The following ADCY2 variants were observed in gnomAD, a reference collection of about 807,000 sequenced individuals.
ADCY2 encodes the protein adenylate cyclase type 2.
ADCY2 carries 31 observed loss-of-function variants against 125.2 expected under a neutral mutation model. The ratio of observed to expected loss-of-function variants is 0.25; its 90% CI spans 0.19 to 0.33. The LOEUF is 0.33. ADCY2 is among the 10% of genes least tolerant of loss of function. The probability of loss-of-function intolerance (pLI) is 1.00; values close to 1 mark genes in which losing one functional copy is unlikely to be tolerated. For synonymous variants in ADCY2, 512 were observed against 548.4 expected, an observed-to-expected ratio of 0.93 and a Z score of 0.93; for missense variants, 904 against 1,418.2, an observed-to-expected ratio of 0.64 and a Z score of 5.82.
At chr5:7,618,037 T>C (rs893233908) in intron 3 of ADCY2, among the ~76,000 whole-genome samples, 1 of 152,216 alleles carries the variant, frequency 6.6e-6, no homozygotes, top group African/African-American at 2.4e-5. Flanking sequence ...GTAGGCCTTG[T>C]GAATCACAGC....
Position 7,447,859 on chromosome 5 carries a change from G to A in ADCY2, c.408+33089G>A, listed in dbSNP as rs187043540. On this transcript the variant is annotated intron_variant, in intron 2 of 24. Coordinates refer to ENST00000338316, the MANE Select transcript of ADCY2 (RefSeq NM_020546.3). ...CCAGAAGAAAAGTGTCCAAAAGGCC[G>A]GAGCAGAGCCTGGGGAGGGGCTTAC... Among the ~76,000 whole-genome samples the A allele has an allele frequency of 1.6e-4, 25 of 152,284 alleles. No homozygotes were observed. In the South Asian group the frequency reaches 3.7e-3, roughly 23 times the overall value.
intron 2 of ADCY2, among the ~76,000 whole-genome samples, chr5:7,441,512 C>A (rs1579446545): frequency 6.6e-6 from 1 of 151,636 alleles, no homozygotes; most frequent in East Asian, 1.9e-4. Context: ...GCTGGTAAAC[C>A]ACCTGACAGA....
chr5:7,562,050 T>G (rs184284398), intron 3 of ADCY2, among the ~76,000 whole-genome samples: 3 of 152,276 alleles, frequency 2.0e-5, no homozygotes, highest in Admixed American at 6.5e-5. Flanking sequence ...GAGTGTTTTA[T>G]ATAGTTTTGT....
intron 4 of ADCY2, among the ~76,000 whole-genome samples, chr5:7,673,100 G>A (rs1481578871): frequency 6.6e-6 from 1 of 150,746 alleles, no homozygotes; most frequent in Non-Finnish European, 1.5e-5. Context: ...AAGCAAAACC[G>A]AATTTTATAA....
intron 4 of ADCY2, among the ~76,000 whole-genome samples, chr5:7,640,580 G>A (rs573052393): frequency 6.6e-6 from 1 of 152,164 alleles, no homozygotes; most frequent in South Asian, 2.1e-4. Flanking sequence ...AATAAAGTTT[G>A]CTTTTGATAT....
In ADCY2 at chr5:7,709,446, C is replaced by G. The variant is rs1741369627; in HGVS notation, c.1578+59C>G. 6.7e-7 allele frequency: 1 copy of G among 1,483,184 alleles called. No individual in the cohort carries two copies. The highest frequency in any genetic ancestry group is 2.4e-5 in the Admixed American group (1 of 40,920). 91.9% of individuals were successfully genotyped at this position (1,483,184 alleles called of 1,614,324 possible). A position where few individuals can be genotyped will look rare whatever the true frequency, so the allele number is the denominator to read the frequency against. On this transcript the variant is annotated intron_variant, in intron 10 of 24. Transcript: ENST00000338316. The surrounding 1 kb of genome is among the most constrained non-coding windows in gnomAD (Gnocchi z 4.4). ...TGGGGGAAAGCTAACTTCCCAAAAC[C>G]AAAGGCTGGGCATCTCCTGCCAAAA...
At chr5:7,493,667 C>A (rs1226798941) in intron 2 of ADCY2, among the ~76,000 whole-genome samples, 5 of 152,036 alleles carry the variant, frequency 3.3e-5, no homozygotes, top group African/African-American at 1.2e-4. Context: ...TCTTGCTGTC[C>A]TCTGTTTTCT....
intron 22 of ADCY2, among the ~76,000 whole-genome samples, chr5:7,810,916 T>C (rs1422731790): frequency 6.6e-6 from 1 of 152,180 alleles, no homozygotes; most frequent in East Asian, 1.9e-4. Context: ...TTAACAAGTA[T>C]GTAAATAGTT....
intron 19 of ADCY2, among the ~76,000 whole-genome samples, chr5:7,787,210 A>G (rs143551107): frequency 1.9e-3 from 286 of 152,296 alleles, no homozygotes; most frequent in African/African-American, 6.7e-3. Flanking sequence ...CCCTGCACAC[A>G]GAATCCTCTG....
chr5:7,437,869 G>A (rs1740865746), intron 2 of ADCY2, among the ~76,000 whole-genome samples: 1 of 152,200 alleles, frequency 6.6e-6, no homozygotes, highest in Admixed American at 6.5e-5. Flanking sequence ...TGACAGCAGT[G>A]TGCAAATTTT....
chr5:7,658,813 C>T (rs1477614950), intron 4 of ADCY2, among the ~76,000 whole-genome samples: 1 of 152,202 alleles, frequency 6.6e-6, no homozygotes. Flanking sequence ...AGAGCAGATG[C>T]TGCAGTTCAA....
At chr5:7,629,907 C>T (rs1405183294) in intron 4 of ADCY2, among the ~76,000 whole-genome samples, 3 of 152,114 alleles carry the variant, frequency 2.0e-5, no homozygotes, top group East Asian at 1.9e-4. Context: ...ATGCTGTTTC[C>T]GTAGGAGTAA....
chr5:7,633,306 C>T (rs1738386710), intron 4 of ADCY2, among the ~76,000 whole-genome samples: 1 of 151,666 alleles, frequency 6.6e-6, no homozygotes, highest in South Asian at 2.1e-4. Context: ...TGGTGGGCAC[C>T]TGGAATCCCA....
intron 23 of ADCY2, among the ~76,000 whole-genome samples, chr5:7,817,195 G>T (rs1055697518): frequency 1.3e-5 from 2 of 152,042 alleles, no homozygotes; most frequent in East Asian, 3.9e-4. Flanking sequence ...CTCAGTCAAG[G>T]TCGCGTCTAC....
intron 3 of ADCY2, among the ~76,000 whole-genome samples, chr5:7,557,545 G>GGC (rs1203553470): frequency 4.0e-5 from 6 of 151,874 alleles, no homozygotes; most frequent in African/African-American, 1.5e-4. Flanking sequence ...TCCTCCAATA[G>GGC]GCCCCAGAGT....
intron 2 of ADCY2, among the ~76,000 whole-genome samples, chr5:7,494,140 T>G (rs1294574961): frequency 6.6e-6 from 1 of 152,176 alleles, no homozygotes; most frequent in Non-Finnish European, 1.5e-5. Context: ...ACATGCACCC[T>G]GCTTTGCTGG....
intron 3 of ADCY2, among the ~76,000 whole-genome samples, chr5:7,563,272 C>T (rs148203528): frequency 6.6e-6 from 1 of 152,296 alleles, no homozygotes; most frequent in East Asian, 1.9e-4. Flanking sequence ...CCACAGTCCT[C>T]TAGGGTGCAG....
chr5:7,689,003 G>A (rs1345748792), intron 4 of ADCY2, among the ~76,000 whole-genome samples: 2 of 152,198 alleles, frequency 1.3e-5, no homozygotes, highest in Non-Finnish European at 2.9e-5. Context: ...GTAGATGATG[G>A]AGTAGTTCTT....
At chr5:7,581,863 AG>A (rs1736449617) in intron 3 of ADCY2, among the ~76,000 whole-genome samples, 1 of 152,032 alleles carries the variant, frequency 6.6e-6, no homozygotes, top group Non-Finnish European at 1.5e-5. Context: ...GAAAAGAAAA[AG>A]AGGAATGTAA....
Sources: gnomAD v4.1 joint callset for allele counts (sites outside exome capture counted in the v4.1 genomes callset) on GRCh38, gnomAD v4.1.1 for gene constraint, Gnocchi (gnomAD v3.1) non-coding constraint, MANE v1.5 for transcripts, NCBI Gene and HGNC (gene_info 2026-07-23, HGNC 2026-07-21) for gene names.